The following PKN3 variants were observed in gnomAD, a reference collection of about 807,000 sequenced individuals.
PKN3 encodes serine/threonine-protein kinase N3.
In PKN3, 91 loss-of-function variants were observed where a neutral mutation model predicts 113.1. The observed-to-expected ratio is 0.80, with a 90% CI of 0.68 to 0.96. The LOEUF is 0.96. Ranked by LOEUF, PKN3 falls within the 40% of genes least tolerant of loss-of-function variation. PKN3 has a pLI of 0.00. For synonymous variants in PKN3, 467 were observed against 499.0 expected, an observed-to-expected ratio of 0.94 and a Z score of 0.85; for missense variants, 1,052 against 1,202.2, an observed-to-expected ratio of 0.88 and a Z score of 1.85.
chr9:128,718,612 A>C lies in PKN3; in HGVS notation c.2112A>C (p.Gly704=). 6.2e-7 allele frequency: 1 copy of C among 1,613,764 alleles called. No individual in the cohort carries two copies. The highest frequency in any genetic ancestry group is 8.5e-7 in the Non-Finnish European group (1 of 1,179,956). ...GATTCCTGAAGATCGCAGACTTTGG[A>C]CTCTGCAAGGAAGGTGGGGGCCGCC... ...AQGFLKIADF[G]LCKEGIGFGD... Residue 704 remains glycine, a synonymous_variant, in exon 18 of 22, where the codon GGA becomes GGC. Transcript: ENST00000291906.
At position 128,707,282 on chromosome 9, in the gene PKN3, C is replaced by T. The variant is rs764287821; in HGVS notation, c.712C>T (p.Gln238Ter). The change falls in exon 6 of 22, where the codon CAG (glutamine) becomes TAG (stop). Residue 238 changes from glutamine to a stop codon, truncating the protein, a stop_gained. Transcript: ENST00000291906. LOFTEE classifies it high-confidence loss of function. ...KLDLLRLALE[Q>*]LLEQLPPAHP... ...GGACCTCCTGCGCCTGGCCTTGGAG[C>T]AGCTGCTGGAGCAACTGCCTCCTGC... The T allele has an allele frequency of 6.2e-7, 1 of 1,613,584 alleles. No homozygotes were observed. The highest frequency in any genetic ancestry group is 1.1e-5 in the South Asian group (1 of 91,054).
At chr9:128,717,255 A>G (rs1862372074) in intron 16 of PKN3, among the ~76,000 whole-genome samples, 1 of 148,096 alleles carries the variant, frequency 6.8e-6, no homozygotes, top group Non-Finnish European at 1.5e-5. Context: ...CAGCCTCCTG[A>G]GTAGCTGGGA....
At chr9:128,710,548 G>A (rs1460351995) in intron 6 of PKN3, among the ~76,000 whole-genome samples, 2 of 152,058 alleles carry the variant, frequency 1.3e-5, no homozygotes, top group African/African-American at 2.4e-5. Context: ...CTGGAGTGCA[G>A]TGGTGCGATA....
Position 128,714,783 on chromosome 9 carries a change from C to T in PKN3, c.1585-15C>T. Reference sequence around the variant, plus strand: ...AGGAAGCCCAGCCCTGCCCTGAGCTCCTCTATACTCACAGCGCACCAAACG... The same window carrying T: ...AGGAAGCCCAGCCCTGCCCTGAGCTTCTCTATACTCACAGCGCACCAAACG... On this transcript the variant is annotated splice_polypyrimidine_tract_variant and intron_variant, in intron 12 of 21. Coordinates refer to ENST00000291906, the MANE Select transcript of PKN3 (RefSeq NM_013355.5). 6.2e-7 allele frequency: 1 copy of T among 1,612,728 alleles called. No homozygotes were observed. The highest frequency in any genetic ancestry group is 8.5e-7 in the Non-Finnish European group (1 of 1,178,832).
chr9:128,702,859 G>A lies in PKN3; in HGVS notation c.-57G>A. 7.6e-7 allele frequency: 1 copy of A among 1,312,832 alleles called. No homozygotes were observed. 81.3% of individuals were successfully genotyped at this position (1,312,832 alleles called of 1,614,324 possible). ...GTTTGAAAGTCCTGGCGGAGGGTCT[G>A]CGGCTTCCGGGACCGGAGTGGCTGA... On this transcript the variant is annotated 5_prime_UTR_variant, in exon 1 of 22. Coordinates refer to ENST00000291906, the MANE Select transcript of PKN3 (RefSeq NM_013355.5).
In PKN3 at chr9:128,715,026, C is replaced by A. The variant is rs899290018; in HGVS notation, c.1653-146C>A. 4 of 1,056,004 alleles carry A rather than the reference C, an allele frequency of 3.8e-6. No individual in the cohort carries two copies. Among genetic ancestry groups the A allele is most frequent in the Non-Finnish European group, 5.8e-6 (4 of 693,846 alleles). 65.4% of individuals were successfully genotyped at this position (1,056,004 alleles called of 1,614,324 possible). On this transcript the variant is annotated intron_variant, in intron 13 of 21. Coordinates refer to ENST00000291906, the MANE Select transcript of PKN3 (RefSeq NM_013355.5). The surrounding 1 kb of genome is among the most constrained non-coding windows in gnomAD (Gnocchi z 4.1). ...ACATTATTGAGCTCCAGCTCTATGC[C>A]GGCTTCTAGGAGTCCTTACTGCAGG...
In PKN3 at chr9:128,705,884, G is replaced by A. The variant is rs775401056; in HGVS notation, c.411+5G>A. On this transcript the variant is annotated splice_donor_5th_base_variant and intron_variant, in intron 3 of 21. Transcript: ENST00000291906. ...TGCGCCAGTGGCACCCCCAAGGTAA[G>A]GCCCCACAGTCTGATGGCAGGAGCA... The A allele has an allele frequency of 2.1e-5, 34 of 1,582,972 alleles. No homozygotes were observed. In the South Asian group the frequency reaches 3.8e-4, roughly 18 times the overall value.
Position 128,713,083 on chromosome 9 carries a change from A to C in PKN3, c.867A>C (p.Glu289Asp). ...GTLQVRLLGCEQLLTAVPGRS... is the reference protein window; with the variant it reads ...GTLQVRLLGCDQLLTAVPGRS... ...TGCAGGTCCGCCTCCTGGGCTGTGA[A>C]CAGTTGCTGACAGCCGTGCCTGGGC... The change falls in exon 7 of 22, where the codon GAA becomes GAC. Residue 289 changes from glutamate (E) to aspartate (D), a missense_variant. Coordinates refer to ENST00000291906, the MANE Select transcript of PKN3 (RefSeq NM_013355.5). The C allele has an allele frequency of 6.2e-7, 1 of 1,611,790 alleles. No individual in the cohort carries two copies. Among genetic ancestry groups the C allele is most frequent in the Non-Finnish European group, 8.5e-7 (1 of 1,179,046 alleles).
rs1401553958 is a variant in PKN3, at chr9:128,702,854, G to C, written c.-62G>C. On this transcript the variant is annotated 5_prime_UTR_variant, in exon 1 of 22. Coordinates refer to ENST00000291906, the MANE Select transcript of PKN3 (RefSeq NM_013355.5). Reference sequence around the variant, plus strand: ...TTCAAGTTTGAAAGTCCTGGCGGAGGGTCTGCGGCTTCCGGGACCGGAGTG... The same window carrying C: ...TTCAAGTTTGAAAGTCCTGGCGGAGCGTCTGCGGCTTCCGGGACCGGAGTG... 1.1e-5 allele frequency: 14 copies of C among 1,227,334 alleles called. No homozygotes were observed. The highest frequency in any genetic ancestry group is 1.6e-5 in the Non-Finnish European group (14 of 879,540). 76.0% of individuals were successfully genotyped at this position (1,227,334 alleles called of 1,614,324 possible).
chr9:128,719,817 C>A lies in PKN3; in HGVS notation c.2257C>A (p.Leu753Met). The change falls in exon 19 of 22, where the codon CTG (leucine) becomes ATG (methionine). Residue 753 changes from leucine to methionine, a missense_variant. By Grantham distance (15) the Leu-to-Met change is conservative (BLOSUM62 2). Around this residue, in one of 2 missense-constraint regions of PKN3, gnomAD observed 333 missense variants for 442.8 expected, o/e 0.75. Coordinates refer to ENST00000291906, the MANE Select transcript of PKN3 (RefSeq NM_013355.5). ...WGLGVLLYEM[L>M]VGECPFPGDT... ...GCTGGGTGTGCTGCTCTACGAGATGCTGGTGGGTGAGGTGAGTGCTGGAGC... is the reference window on the plus strand; with the variant it reads ...GCTGGGTGTGCTGCTCTACGAGATGATGGTGGGTGAGGTGAGTGCTGGAGC... The A allele has an allele frequency of 7.6e-7, 1 of 1,312,670 alleles. No homozygotes were observed. The allele number at this position is 1,312,670 out of a possible 1,614,324, so 81.3% of individuals were successfully genotyped here.
At position 128,714,139 on chromosome 9, in the gene PKN3, G is replaced by A; in HGVS notation, c.1312+18G>A. 1 of 1,614,086 alleles carries A rather than the reference G, an allele frequency of 6.2e-7. No homozygotes were observed. Among genetic ancestry groups the A allele is most frequent in the Non-Finnish European group, 8.5e-7 (1 of 1,179,968 alleles). On this transcript the variant is annotated intron_variant, in intron 10 of 21. Transcript: ENST00000291906. ...ACGCAGAGGTGTGGAGGGAATGGGGGCTATGTGTGAGGGAGCAGGGCTGGG... is the reference window on the plus strand; with the variant it reads ...ACGCAGAGGTGTGGAGGGAATGGGGACTATGTGTGAGGGAGCAGGGCTGGG...
At position 128,702,562 on chromosome 9, in the gene PKN3, G is replaced by T; in HGVS notation, c.-354G>T. 3.8e-6 allele frequency: 1 copy of T among 266,542 alleles called. No homozygotes were observed. The highest frequency in any genetic ancestry group is 7.0e-6 in the Non-Finnish European group (1 of 143,054). 16.5% of individuals were successfully genotyped at this position (266,542 alleles called of 1,614,324 possible). Reference sequence around the variant, plus strand: ...CGCGGCGGGGAAGGCCAGAGGACCTGGGCGCGGGCGATGTGCCTCCTGAGC... The same window carrying T: ...CGCGGCGGGGAAGGCCAGAGGACCTTGGCGCGGGCGATGTGCCTCCTGAGC... On this transcript the variant is annotated 5_prime_UTR_variant, in exon 1 of 22. Coordinates refer to ENST00000291906, the MANE Select transcript of PKN3 (RefSeq NM_013355.5).
At chr9:128,716,658 G>A in intron 15 of PKN3, 89 bp from the exon 16 acceptor site, 1 of 1,021,178 alleles carries the variant, frequency 9.8e-7, no homozygotes, top group Non-Finnish European at 1.5e-6. Flanking sequence ...TTGGCTGAGG[G>A]CCCAGTGAGC....
In PKN3 at chr9:128,703,433, G is replaced by C. The variant is rs572533523; in HGVS notation, c.24+494G>C. On this transcript the variant is annotated intron_variant, in intron 1 of 21. Transcript: ENST00000291906. The stretch of plus-strand genomic sequence containing the variant: ...GCACGAGGGGAGCGTAGATGAGAGG[G>C]GAGCGGCCTCCCCCGCCCCAGGGCG... 3.0e-6 allele frequency: 3 copies of C among 985,360 alleles called. No individual in the cohort carries two copies. In the Admixed American group the frequency reaches 1.8e-4, roughly 61 times the overall value. The allele number at this position is 985,360 out of a possible 1,614,324, so 61.0% of individuals were successfully genotyped here.
chr9:128,703,030 G>A, intron 1 of PKN3, 91 bp downstream of exon 1: 2 of 882,212 alleles, frequency 2.3e-6, no homozygotes, highest in Non-Finnish European at 3.2e-6. Context: ...CGCTTCCCCC[G>A]ATCCTCCCCT....
chr9:128,714,291 C>T lies in PKN3; in HGVS notation c.1407C>T (p.Ser469=), dbSNP rs775821386. 1.9e-6 allele frequency: 3 copies of T among 1,613,464 alleles called. No homozygotes were observed. The highest frequency in any genetic ancestry group is 2.5e-6 in the Non-Finnish European group (3 of 1,179,724). ...TGCTGCCCCCCTGCAGCTCCCCGAG[C>T]ACAATCAGCCCCCCTAAAGGATGCC... is the stretch of plus-strand genomic sequence containing the variant. ...MNLLPPCSSP[S]TISPPKGCPR... is the part of the protein sequence containing the mutation. The change falls in exon 11 of 22, where the codon AGC becomes AGT. Residue 469 remains serine (S), a synonymous_variant. Coordinates refer to ENST00000291906, the MANE Select transcript of PKN3 (RefSeq NM_013355.5).
chr9:128,711,471 C>T (rs1455588972), intron 6 of PKN3, among the ~76,000 whole-genome samples: 3 of 151,456 alleles, frequency 2.0e-5, no homozygotes, highest in Non-Finnish European at 2.9e-5. Context: ...CCACTGCGCC[C>T]GGCTAATTTT....
rs1862323348 is a variant in PKN3, at chr9:128,715,884, T to C, written c.1808+424T>C. Among the ~76,000 whole-genome samples, 2 of 151,890 alleles carry C rather than the reference T, an allele frequency of 1.3e-5. No homozygotes were observed. Among genetic ancestry groups the C allele is most frequent in the South Asian group, 4.1e-4 (2 of 4,820 alleles). On this transcript the variant is annotated intron_variant, in intron 15 of 21. Transcript: ENST00000291906. This position sits in a 1 kb window ranked among gnomAD's most constrained non-coding sequence, Gnocchi z 4.1. ...CAGACATGGTGGCATGTGCCTTTAG[T>C]CCCAGCTACTTGGGAGGGTGAGGTG...
intron 6 of PKN3, among the ~76,000 whole-genome samples, chr9:128,711,675 T>G (rs2132306570): frequency 6.6e-6 from 1 of 151,302 alleles, no homozygotes; most frequent in East Asian, 2.0e-4. Flanking sequence ...CTTGACTCAC[T>G]GCAACCTCCG....
Sources: gnomAD v4.1 joint callset for allele counts (sites outside exome capture counted in the v4.1 genomes callset) on GRCh38, gnomAD v4.1.1 for gene constraint, gnomAD v4.1.1 regional missense constraint, Gnocchi (gnomAD v3.1) non-coding constraint, MANE v1.5 for transcripts, NCBI Gene and HGNC (gene_info 2026-07-23, HGNC 2026-07-21) for gene names.